Variants in COL11A2 observed in about 807,000 individuals in gnomAD.
COL11A2 encodes the protein collagen alpha-2(XI) chain.
A neutral mutation model predicts 273.4 loss-of-function variants in COL11A2; 116 were observed. That is an observed-to-expected ratio of 0.42 (90% CI 0.36 to 0.49). COL11A2 has a LOEUF of 0.49. Ranked by LOEUF, COL11A2 falls within the 20% of genes least tolerant of loss-of-function variation. COL11A2 has a pLI of 0.00. For missense variants in COL11A2, 1,866 were observed against 2,309.0 expected (o/e 0.81, Z 3.93); for synonymous variants, 782 against 864.2 (o/e 0.90, Z 1.67).
In COL11A2 at chr6:33,165,789, G is replaced by T. The variant is rs778359244; in HGVS notation, c.4510C>A (p.Leu1504Met). ...PGPPGEVIQP[L>M]PIQMPKKTRR... ...GTCTTCTTGGGCATCTGAATGGGCAGTGGCTGGATCACCTCGCCTGGGGGA... is the reference window on the plus strand; with the variant it reads ...GTCTTCTTGGGCATCTGAATGGGCATTGGCTGGATCACCTCGCCTGGGGGA... The change falls in exon 63 of 66, where the codon CTG becomes ATG. Residue 1504 changes from leucine to methionine, a missense_variant. Leu to Met is a conservative substitution (Grantham distance 15). Coordinates refer to ENST00000341947, the MANE Select transcript of COL11A2 (RefSeq NM_080680.3). This position sits in a 1 kb window ranked among gnomAD's most constrained non-coding sequence, Gnocchi z 7.7. The T allele has an allele frequency of 6.2e-7, 1 of 1,613,508 alleles. No individual in the cohort carries two copies. The highest frequency in any genetic ancestry group is 1.1e-5 in the South Asian group (1 of 91,084).
At position 33,163,838 on chromosome 6, in the gene COL11A2, A is replaced by G. The variant is rs1409898226; in HGVS notation, c.5071-20T>C. The G allele has an allele frequency of 6.2e-7, 1 of 1,612,840 alleles. No individual in the cohort carries two copies. Among genetic ancestry groups the G allele is most frequent in the African/African-American group, 1.3e-5 (1 of 75,012 alleles). ...CTGTGTCTTCAGGGGGAGACAAGGAAGAAAGTGTGAGCAGGATGGAGGCAC... is the reference window on the plus strand; with the variant it reads ...CTGTGTCTTCAGGGGGAGACAAGGAGGAAAGTGTGAGCAGGATGGAGGCAC... On this transcript the variant is annotated intron_variant, in intron 65 of 65. Coordinates refer to ENST00000341947, the MANE Select transcript of COL11A2 (RefSeq NM_080680.3). The surrounding 1 kb of genome is among the most constrained non-coding windows in gnomAD (Gnocchi z 4.1).
chr6:33,179,072 C>A lies in COL11A2; in HGVS notation c.1611+1G>T. 1 of 1,613,962 alleles carries A rather than the reference C, an allele frequency of 6.2e-7. No individual in the cohort carries two copies. The highest frequency in any genetic ancestry group is 8.5e-7 in the Non-Finnish European group (1 of 1,179,856). On this transcript the variant is annotated splice_donor_variant, in intron 16 of 65. Transcript: ENST00000341947. LOFTEE classifies it high-confidence loss of function. This position sits in a 1 kb window ranked among gnomAD's most constrained non-coding sequence, Gnocchi z 6.4. ...CACCCATCCACCCCTGGGGCACTCA[C>A]CCTTCGCCCAGCCTTGCCAGGAGGG...
Position 33,179,212 on chromosome 6 carries a change from A to G in COL11A2, c.1557+19T>C, listed in dbSNP as rs374716901. ...AGCTGGTGAACAGATATGGGGGTGC[A>G]GTGGAGGAAAGTGGTCACCTGAGGT... On this transcript the variant is annotated intron_variant, in intron 15 of 65. Coordinates refer to ENST00000341947, the MANE Select transcript of COL11A2 (RefSeq NM_080680.3). The surrounding 1 kb of genome is among the most constrained non-coding windows in gnomAD (Gnocchi z 6.4). The G allele has an allele frequency of 5.1e-5, 82 of 1,611,792 alleles. No individual in the cohort carries two copies. The highest frequency in any genetic ancestry group is 6.7e-5 in the Non-Finnish European group (79 of 1,179,310).
In COL11A2 at chr6:33,169,110, A is replaced by C; in HGVS notation, c.3799-102T>G. Reference sequence around the variant, plus strand: ...CACTGCCTCTCTAGAGGCAGTGCCCACCAGTACCCCCCAGGAAGAGGTCTC... The same window carrying C: ...CACTGCCTCTCTAGAGGCAGTGCCCCCCAGTACCCCCCAGGAAGAGGTCTC... On this transcript the variant is annotated intron_variant, in intron 51 of 65. Transcript: ENST00000341947. The surrounding 1 kb of genome is among the most constrained non-coding windows in gnomAD (Gnocchi z 5.5). 2 of 1,161,288 alleles carry C rather than the reference A, an allele frequency of 1.7e-6. No homozygotes were observed. The highest frequency in any genetic ancestry group is 2.5e-6 in the Non-Finnish European group (2 of 813,020). 71.9% of individuals were successfully genotyped at this position (1,161,288 alleles called of 1,614,324 possible).
chr6:33,172,228 GGGGT>G (rs1241019965), intron 40 of COL11A2, 57 bp downstream of exon 40: 15 of 1,563,578 alleles, frequency 9.6e-6, no homozygotes, highest in Non-Finnish European at 1.3e-5. Flanking sequence ...GGACAGGGTC[GGGGT>G]GGGGACTCAG....
chr6:33,173,828 G>A lies in COL11A2; in HGVS notation c.2583+45C>T, dbSNP rs748265949. On this transcript the variant is annotated intron_variant, in intron 34 of 65. Coordinates refer to ENST00000341947, the MANE Select transcript of COL11A2 (RefSeq NM_080680.3). The surrounding 1 kb of genome is among the most constrained non-coding windows in gnomAD (Gnocchi z 6.3). ...GTCAGGATGTTGAGGGAGAGCTGGG[G>A]CTGAGTGGGCAGGGGGCAGTTGGAG... 6.2e-7 allele frequency: 1 copy of A among 1,612,554 alleles called. No homozygotes were observed. Among genetic ancestry groups the A allele is most frequent in the Non-Finnish European group, 8.5e-7 (1 of 1,178,630 alleles).
At position 33,165,220 on chromosome 6, in the gene COL11A2, G is replaced by A. The variant is rs975660256; in HGVS notation, c.4751-256C>T. Among the ~76,000 whole-genome samples the A allele has an allele frequency of 8.5e-5, 13 of 152,130 alleles. No homozygotes were observed. The highest frequency in any genetic ancestry group is 2.9e-4 in the African/African-American group (12 of 41,408). ...CAGGCCCTCTGACTGGAGGAGGTCC[G>A]AGTATGGACAGCCTCATACTGGGAC... is the stretch of plus-strand genomic sequence containing the variant. On this transcript the variant is annotated intron_variant, in intron 63 of 65. Transcript: ENST00000341947. The surrounding 1 kb of genome is among the most constrained non-coding windows in gnomAD (Gnocchi z 7.7).
In COL11A2 at chr6:33,180,876, G is replaced by A. The variant is rs1446391583; in HGVS notation, c.1221+88C>T. 3.2e-6 allele frequency: 5 copies of A among 1,572,970 alleles called. No individual in the cohort carries two copies. The East Asian group carries it at 1.1e-4, about 35-fold the overall frequency. On this transcript the variant is annotated intron_variant, in intron 10 of 65. Transcript: ENST00000341947. ...GGATGCTCCCGAGTTCTGAGGAGGA[G>A]GCCTGGGCATATGTGGGGAAGGCTC...
chr6:33,185,541 G>C (rs2150607255), intron 6 of COL11A2, among the ~76,000 whole-genome samples, 160 bp downstream of exon 6: 1 of 152,190 alleles, frequency 6.6e-6, no homozygotes, highest in African/African-American at 2.4e-5. Context: ...GGGCGCTGCA[G>C]CAGAGAGACA....
chr6:33,176,382 T>A lies in COL11A2; in HGVS notation c.2169+51A>T. On this transcript the variant is annotated intron_variant, in intron 27 of 65. Coordinates refer to ENST00000341947, the MANE Select transcript of COL11A2 (RefSeq NM_080680.3). This position sits in a 1 kb window ranked among gnomAD's most constrained non-coding sequence, Gnocchi z 4.9. The stretch of plus-strand genomic sequence containing the variant: ...GAAGGACCAAGCTCCTAAGACCCCA[T>A]ATAGCTCCCCTGACCACAGCCCTTT... 6.2e-7 allele frequency: 1 copy of A among 1,606,032 alleles called. No individual in the cohort carries two copies. The highest frequency in any genetic ancestry group is 8.5e-7 in the Non-Finnish European group (1 of 1,175,854).
chr6:33,181,206 C>G (rs770718069), intron 8 of COL11A2, 36 bp from the exon 9 acceptor site: 5 of 1,609,864 alleles, frequency 3.1e-6, no homozygotes, highest in Non-Finnish European at 4.3e-6. Flanking sequence ...CAGTGGGGCC[C>G]GTGAGCAGCC....
chr6:33,177,952 C>A lies in COL11A2; in HGVS notation c.1872+180G>T. 1.3e-6 allele frequency: 1 copy of A among 793,842 alleles called. No homozygotes were observed. 49.2% of individuals were successfully genotyped at this position (793,842 alleles called of 1,614,324 possible). On this transcript the variant is annotated intron_variant, in intron 21 of 65. Coordinates refer to ENST00000341947, the MANE Select transcript of COL11A2 (RefSeq NM_080680.3). The surrounding 1 kb of genome is among the most constrained non-coding windows in gnomAD (Gnocchi z 5.9). Reference sequence around the variant, plus strand: ...GCCCTCAGGGCACCACGCCACATGGCCCTCCCTGTGCACGGGGAGCGAATG... The same window carrying A: ...GCCCTCAGGGCACCACGCCACATGGACCTCCCTGTGCACGGGGAGCGAATG...
At position 33,176,424 on chromosome 6, in the gene COL11A2, G is replaced by A. The variant is rs750377806; in HGVS notation, c.2169+9C>T. On this transcript the variant is annotated intron_variant, in intron 27 of 65. Coordinates refer to ENST00000341947, the MANE Select transcript of COL11A2 (RefSeq NM_080680.3). This position sits in a 1 kb window ranked among gnomAD's most constrained non-coding sequence, Gnocchi z 4.9. ...CAGCCCTTTGTCTCCCAGCCTGGTG[G>A]TCAGTTACCTTGACCCCTCGAGGTC... The A allele has an allele frequency of 3.1e-6, 5 of 1,612,386 alleles. No homozygotes were observed. In the South Asian group the frequency reaches 5.5e-5, roughly 18 times the overall value.
chr6:33,168,626 C>T lies in COL11A2; in HGVS notation c.3907-54G>A, dbSNP rs1484111634. On this transcript the variant is annotated intron_variant, in intron 53 of 65. Transcript: ENST00000341947. Reference sequence around the variant, plus strand: ...GTGTTTATCCTCCAGCCAAGGGACCCCTCAGGAGTGGGGCACAGAAGAGGG... The same window carrying T: ...GTGTTTATCCTCCAGCCAAGGGACCTCTCAGGAGTGGGGCACAGAAGAGGG... 3 of 1,606,874 alleles carry T rather than the reference C, an allele frequency of 1.9e-6. No homozygotes were observed. The Admixed American group carries it at 5.1e-5, about 27-fold the overall frequency.
chr6:33,190,030 G>A lies in COL11A2; in HGVS notation c.83-561C>T, dbSNP rs1238305113. On this transcript the variant is annotated intron_variant, in intron 1 of 65. Transcript: ENST00000341947. The surrounding 1 kb of genome is among the most constrained non-coding windows in gnomAD (Gnocchi z 4.5). Reference sequence around the variant, plus strand: ...TCCTGGACACAGGAGGTGCAGGGGGGCCACGAGGAAGAGATCAGAGAAGCA... The same window carrying A: ...TCCTGGACACAGGAGGTGCAGGGGGACCACGAGGAAGAGATCAGAGAAGCA... 1.3e-5 allele frequency among the ~76,000 whole-genome samples: 2 copies of A among 152,152 alleles called. No individual in the cohort carries two copies. The highest frequency in any genetic ancestry group is 4.8e-5 in the African/African-American group (2 of 41,426).
Position 33,185,006 on chromosome 6 carries a change from GCAAGAGGCTCGACTC to G in COL11A2, c.910_924del (p.Glu304_Leu308del). ...CATAGAGTTACCTCCTCAAGGGGTG[GCAAGAGGCTCGACTC>G]CAGGATTTCTTCCTCTTCACCTGGG... is the stretch of plus-strand genomic sequence containing the variant. On this transcript the variant is annotated inframe_deletion, in exon 7 of 66. Coordinates refer to ENST00000341947, the MANE Select transcript of COL11A2 (RefSeq NM_080680.3). 1 of 1,551,234 alleles carries G rather than the reference GCAAGAGGCTCGACTC, an allele frequency of 6.4e-7. No homozygotes were observed. Among genetic ancestry groups the G allele is most frequent in the Non-Finnish European group, 8.7e-7 (1 of 1,146,696 alleles).
At position 33,170,953 on chromosome 6, in the gene COL11A2, G is replaced by A. The variant is rs761221911; in HGVS notation, c.3367-36C>T. 39 of 1,542,840 alleles carry A rather than the reference G, an allele frequency of 2.5e-5. No homozygotes were observed. The highest frequency in any genetic ancestry group is 3.7e-5 in the Admixed American group (2 of 53,380). On this transcript the variant is annotated intron_variant, in intron 45 of 65. Transcript: ENST00000341947. This position sits in a 1 kb window ranked among gnomAD's most constrained non-coding sequence, Gnocchi z 4.3. ...GAGGGAAAGCAGAGACAAGGACACAGGGATGGGTCATGGGTCAGGTGTTCT... is the reference window on the plus strand; with the variant it reads ...GAGGGAAAGCAGAGACAAGGACACAAGGATGGGTCATGGGTCAGGTGTTCT...
intron 12 of COL11A2, 152 bp downstream of exon 12, chr6:33,180,106 C>T: frequency 1.1e-6 from 1 of 889,546 alleles, no homozygotes; most frequent in Non-Finnish European, 1.8e-6. Flanking sequence ...GCCCCATCTC[C>T]CCAACCCCAA....
At chr6:33,168,649 G>A (rs1769550597) in intron 53 of COL11A2, 57 bp downstream of exon 53, 3 of 1,596,156 alleles carry the variant, frequency 1.9e-6, no homozygotes, top group Admixed American at 3.5e-5. Flanking sequence ...GCACAGAAGA[G>A]GGGTAAAGAG....
Sources: gnomAD v4.1 joint callset for allele counts (sites outside exome capture counted in the v4.1 genomes callset) on GRCh38, gnomAD v4.1.1 for gene constraint, Gnocchi (gnomAD v3.1) non-coding constraint, MANE v1.5 for transcripts, NCBI Gene and HGNC (gene_info 2026-07-23, HGNC 2026-07-21) for gene names.